Variants in DAB1 observed in about 807,000 individuals in gnomAD.
The protein encoded by DAB1 is DAB adaptor protein 1.
DAB1 carries 15 observed loss-of-function variants against 64.6 expected under a neutral mutation model. The ratio of observed to expected loss-of-function variants is 0.23; its 90% confidence interval spans 0.16 to 0.36. The LOEUF (loss-of-function observed/expected upper bound fraction) is 0.36. Ranked by LOEUF, DAB1 falls within the 10% of genes least tolerant of loss-of-function variation. The pLI is 1.00. For missense variants in DAB1, 596 were observed against 706.7 expected, an observed-to-expected ratio of 0.84 and a Z score of 1.78; for synonymous variants, 235 against 251.9, an observed-to-expected ratio of 0.93 and a Z score of 0.64.
chr1:58,481,722 T>C (rs1055217323), intron 3 of DAB1, among the ~76,000 whole-genome samples: 5 of 152,158 alleles, frequency 3.3e-5, no homozygotes, highest in Non-Finnish European at 7.4e-5. Flanking sequence ...AACTGAATCA[T>C]GGAGGTGGGT....
At chr1:57,637,539 C>G (rs1206052800) in intron 7 of DAB1, among the ~76,000 whole-genome samples, 1 of 152,090 alleles carries the variant, frequency 6.6e-6, no homozygotes, top group Non-Finnish European at 1.5e-5. Context: ...GAAAGCACAG[C>G]TTGGTATGTG....
At chr1:57,716,768 A>G (rs1400993499) in intron 6 of DAB1, among the ~76,000 whole-genome samples, 1 of 152,240 alleles carries the variant, frequency 6.6e-6, no homozygotes, top group African/African-American at 2.4e-5. Flanking sequence ...CTGCACAGCA[A>G]AGAAAACAAT....
intron 1 of DAB1, among the ~76,000 whole-genome samples, chr1:57,367,363 G>C (rs544522102): frequency 5.3e-4 from 81 of 152,220 alleles, no homozygotes; most frequent in Non-Finnish European, 9.9e-4. Flanking sequence ...TCAGAGCTAG[G>C]TGCCTTTTTT....
intron 2 of DAB1, among the ~76,000 whole-genome samples, chr1:57,278,711 T>C (rs140631616): frequency 9.0e-4 from 137 of 152,282 alleles, no homozygotes; most frequent in African/African-American, 3.2e-3. Flanking sequence ...AGCAAATCCA[T>C]GCATGCTCAA....
In DAB1 at chr1:57,440,818, T is replaced by C. The variant is rs150411291; in HGVS notation, n.626-149652A>G. Among the ~76,000 whole-genome samples, 793 of 152,334 alleles carry C rather than the reference T, an allele frequency of 5.2e-3. 4 individuals are homozygous for C. The highest frequency in any genetic ancestry group is 8.3e-3 in the Non-Finnish European group (563 of 68,030). On this transcript the variant is annotated intron_variant and non_coding_transcript_variant, in intron 7 of 20. Coordinates refer to the DAB1 transcript ENST00000485760. ...ATGTTTATAAATATAAAATAAAACA[T>C]GAATAATAATTGAGTATACTATTTG...
chr1:57,151,807 ATTT>A (rs34012935), intron 2 of DAB1, among the ~76,000 whole-genome samples: 4 of 106,242 alleles, frequency 3.8e-5, no homozygotes, highest in Non-Finnish European at 5.4e-5. Flanking sequence ...CTAATGTTTA[ATTT>A]TTTTTTTTTT....
At position 57,309,112 on chromosome 1, in the gene DAB1, ATTC is replaced by A. The variant is rs553970194; in HGVS notation, c.-136-17949_-136-17947del. Among the ~76,000 whole-genome samples, 321 of 152,332 alleles carry A rather than the reference ATTC, an allele frequency of 2.1e-3. 1 individual carries two copies. The highest frequency in any genetic ancestry group is 3.6e-3 in the Non-Finnish European group (243 of 68,028). On this transcript the variant is annotated intron_variant, in intron 1 of 14. Coordinates refer to ENST00000371236, the MANE Select transcript of DAB1 (RefSeq NM_001365792.1). ...TGTATTTTATGTGTGGTCCAAGGAT[ATTC>A]TTCTTTTTCCAACGTGGCTCAGGGA...
chr1:58,414,495 C>A lies in DAB1; in HGVS notation n.258-71092G>T, dbSNP rs541681895. 5.3e-5 allele frequency among the ~76,000 whole-genome samples: 8 copies of A among 152,326 alleles called. No homozygotes were observed. In the South Asian group the frequency reaches 1.2e-3, roughly 24 times the overall value. On this transcript the variant is annotated intron_variant and non_coding_transcript_variant, in intron 3 of 20. Transcript: ENST00000485760. ...AATGTATTTTGTTTAGTGTTTATTT[C>A]TCCATTCCCAATGCCTAGAATAATG...
intron 1 of DAB1, chr1:57,864,607 A>C (rs2101947159): frequency 6.6e-6 from 1 of 152,046 alleles, no homozygotes; most frequent in Middle Eastern, 3.4e-3. Flanking sequence ...AAGTTACTTA[A>C]CCTCACAGTT....
chr1:58,123,869 T>C (rs1160714291), intron 5 of DAB1, among the ~76,000 whole-genome samples: 2 of 152,180 alleles, frequency 1.3e-5, no homozygotes, highest in South Asian at 2.1e-4. Context: ...TTTGCAGTTA[T>C]ATATGTGAGA....
chr1:57,706,988 C>T (rs1243176421), intron 6 of DAB1, among the ~76,000 whole-genome samples: 8 of 152,104 alleles, frequency 5.3e-5, no homozygotes, highest in South Asian at 4.1e-4. Flanking sequence ...GCTGGAGAAT[C>T]GCTTGAACCC....
chr1:57,697,364 G>A (rs1324790329), intron 6 of DAB1, among the ~76,000 whole-genome samples: 1 of 141,582 alleles, frequency 7.1e-6, no homozygotes, highest in African/African-American at 2.6e-5. Context: ...AATAAAAACT[G>A]GGATAATAAG....
chr1:57,791,726 G>T (rs1178344736), intron 6 of DAB1, among the ~76,000 whole-genome samples: 1 of 152,120 alleles, frequency 6.6e-6, no homozygotes, highest in African/African-American at 2.4e-5. Flanking sequence ...CTCATTGTGT[G>T]CCTGAGACCC....
intron 5 of DAB1, chr1:58,077,877 A>G (rs1380641047): frequency 1.3e-5 from 2 of 152,208 alleles, no homozygotes; most frequent in African/African-American, 4.8e-5. Flanking sequence ...TATTGACCCT[A>G]AAGTTCTGAG....
chr1:57,348,161 G>A (rs1043849034), intron 1 of DAB1, among the ~76,000 whole-genome samples: 7 of 152,090 alleles, frequency 4.6e-5, no homozygotes, highest in East Asian at 1.9e-4. Context: ...AAAACTTGCC[G>A]AGTGTTTCCT....
rs117426351 is a variant in DAB1 at position 57,219,915 on chromosome 1, C to T, written c.67+71049G>A. ...TGCAAAGCTGGGCCGAGACCCCTGACCCATGGAAACTGTCAGATAATAAAT... is the reference window on the plus strand; with the variant it reads ...TGCAAAGCTGGGCCGAGACCCCTGATCCATGGAAACTGTCAGATAATAAAT... On this transcript the variant is annotated intron_variant, in intron 2 of 14. Coordinates refer to ENST00000371236, the MANE Select transcript of DAB1 (RefSeq NM_001365792.1). Among the ~76,000 whole-genome samples the T allele has an allele frequency of 3.5e-3, 536 of 152,300 alleles. 9 individuals carry two copies. Among genetic ancestry groups the T allele is most frequent in the East Asian group, 0.02 (106 of 5,180 alleles).
chr1:57,861,479 C>G (rs908607386), intron 1 of DAB1, among the ~76,000 whole-genome samples: 5 of 152,030 alleles, frequency 3.3e-5, no homozygotes, highest in Admixed American at 2.0e-4. Context: ...AAAGGCCCTG[C>G]CTCTAAATAC....
At chr1:57,844,625 T>C (rs1251001279) in intron 1 of DAB1, among the ~76,000 whole-genome samples, 1 of 152,206 alleles carries the variant, frequency 6.6e-6, no homozygotes, top group African/African-American at 2.4e-5. Flanking sequence ...TTCTCTCTGG[T>C]ACCTTCTCTG....
At chr1:57,597,509 T>A (rs142856505) in intron 7 of DAB1, among the ~76,000 whole-genome samples, 1 of 152,226 alleles carries the variant, frequency 6.6e-6, no homozygotes, top group East Asian at 1.9e-4. Flanking sequence ...TGGTGCCTAA[T>A]GGTACCATCT....
Sources: gnomAD v4.1 joint callset for allele counts (sites outside exome capture counted in the v4.1 genomes callset) on GRCh38, gnomAD v4.1.1 for gene constraint, MANE v1.5 for transcripts, NCBI Gene and HGNC (gene_info 2026-07-23, HGNC 2026-07-21) for gene names.